CNBD1: variants seen among roughly 807,000 people sequenced by gnomAD.
CNBD1 encodes the protein cyclic nucleotide binding domain containing 1.
CNBD1 carries 71 observed loss-of-function variants against 54.4 expected under a neutral mutation model. That is an observed-to-expected ratio of 1.30 (90% CI 1.08 to 1.59). CNBD1 has a LOEUF of 1.59. CNBD1 is among the 40% of genes most tolerant of loss of function. The pLI, the probability that CNBD1 is intolerant of heterozygous loss-of-function variation, is 0.00. For synonymous variants in CNBD1, 182 were observed against 170.7 expected (o/e 1.07, Z -0.51); for missense variants, 659 against 518.0 (o/e 1.27, Z -2.64).
chr8:87,419,558 A>G (rs1203072633), intron 2 of CNBD1, among the ~76,000 whole-genome samples: 1 of 151,956 alleles, frequency 6.6e-6, no homozygotes, highest in Non-Finnish European at 1.5e-5. Flanking sequence ...ATTTCAAAAG[A>G]TATAGTCATT....
Position 86,961,235 on chromosome 8 carries a change from C to G in CNBD1, c.431+21481C>G, listed in dbSNP as rs74370484. On this transcript the variant is annotated intron_variant, in intron 4 of 10. Coordinates refer to ENST00000518476, the MANE Select transcript of CNBD1 (RefSeq NM_173538.3). The stretch of plus-strand genomic sequence containing the variant: ...TAGCACTACAAGCTTACCAGTTTTA[C>G]TTTGTTTGCCCCAATAGACAATCCA... 2.6e-5 allele frequency among the ~76,000 whole-genome samples: 4 copies of G among 152,106 alleles called. No homozygotes were observed. The East Asian group carries it at 7.7e-4, about 29-fold the overall frequency.
At chr8:86,886,392 A>G (rs1808681081) in intron 1 of CNBD1, among the ~76,000 whole-genome samples, 1 of 152,174 alleles carries the variant, frequency 6.6e-6, no homozygotes, top group Non-Finnish European at 1.5e-5. Context: ...GGGTAAGAAA[A>G]TGCCTAAATC....
intron 1 of CNBD1, among the ~76,000 whole-genome samples, chr8:86,871,985 G>T (rs113542656): frequency 6.6e-6 from 1 of 152,220 alleles, no homozygotes; most frequent in African/African-American, 2.4e-5. Flanking sequence ...AAAGTACTCA[G>T]CGTAGCTCAT....
intron 6 of CNBD1, among the ~76,000 whole-genome samples, chr8:87,271,247 T>A (rs994738556): frequency 2.0e-5 from 3 of 151,452 alleles, no homozygotes; most frequent in South Asian, 2.1e-4. Context: ...TTGTATATAT[T>A]TTTTTTCAGT....
chr8:86,887,715 C>A (rs940002110), intron 2 of CNBD1, 104 bp downstream of exon 2: 9 of 767,682 alleles, frequency 1.2e-5, no homozygotes, highest in Middle Eastern at 2.4e-4. Context: ...CTCAGAGGTA[C>A]CTGATTTATC....
intron 2 of CNBD1, among the ~76,000 whole-genome samples, chr8:87,408,733 G>C (rs530721394): frequency 1.3e-5 from 2 of 151,968 alleles, no homozygotes; most frequent in Non-Finnish European, 2.9e-5. Flanking sequence ...TTGTGTCTCC[G>C]TGTCACATGT....
chr8:86,940,226 G>A (rs964475939), intron 4 of CNBD1, among the ~76,000 whole-genome samples: 2 of 143,134 alleles, frequency 1.4e-5, no homozygotes, highest in East Asian at 2.1e-4. Flanking sequence ...TGCTTCAATG[G>A]CGCAATCTCA....
chr8:87,290,623 C>CT (rs1216282359), intron 8 of CNBD1, among the ~76,000 whole-genome samples: 3 of 152,022 alleles, frequency 2.0e-5, no homozygotes, highest in Non-Finnish European at 4.4e-5. Flanking sequence ...GCCTGAAGAA[C>CT]TTTTTTTAGT....
intron 10 of CNBD1, among the ~76,000 whole-genome samples, chr8:87,365,492 T>C (rs1426655904): frequency 6.6e-6 from 1 of 152,038 alleles, no homozygotes; most frequent in Admixed American, 6.6e-5. Context: ...TTGAATATCA[T>C]GTTTTCATTT....
intron 4 of CNBD1, among the ~76,000 whole-genome samples, chr8:87,113,542 G>A (rs960931230): frequency 3.3e-5 from 5 of 152,138 alleles, no homozygotes; most frequent in Non-Finnish European, 7.4e-5. Context: ...AGTAGAACTT[G>A]GCTATTTACC....
At chr8:87,214,906 T>C (rs1814176731) in intron 5 of CNBD1, among the ~76,000 whole-genome samples, 1 of 152,198 alleles carries the variant, frequency 6.6e-6, no homozygotes, top group South Asian at 2.1e-4. Context: ...TTGGGAATTA[T>C]GGGAGCTACA....
intron 2 of CNBD1, among the ~76,000 whole-genome samples, chr8:86,901,199 T>A (rs1808927583): frequency 1.3e-5 from 2 of 152,286 alleles, no homozygotes; most frequent in South Asian, 4.1e-4. Flanking sequence ...AATATGCATA[T>A]TGTATATATA....
intron 4 of CNBD1, among the ~76,000 whole-genome samples, chr8:87,081,652 C>T (rs964643659): frequency 8.6e-5 from 13 of 151,636 alleles, no homozygotes; most frequent in African/African-American, 2.2e-4. Context: ...ATAACAGGCG[C>T]GCCACCACAC....
At chr8:86,914,186 C>T (rs1360780385) in intron 3 of CNBD1, among the ~76,000 whole-genome samples, 2 of 152,168 alleles carry the variant, frequency 1.3e-5, no homozygotes, top group Non-Finnish European at 2.9e-5. Context: ...ATACATCCTC[C>T]TCAGTTTATG....
chr8:87,161,811 T>G (rs1485306952), intron 4 of CNBD1, among the ~76,000 whole-genome samples: 1 of 152,150 alleles, frequency 6.6e-6, no homozygotes, highest in Non-Finnish European at 1.5e-5. Flanking sequence ...TAATGTCATA[T>G]TGTTAAAACA....
chr8:86,947,885 A>ATCCCTAC (rs893295896), intron 4 of CNBD1, among the ~76,000 whole-genome samples: 9 of 152,034 alleles, frequency 5.9e-5, no homozygotes, highest in Non-Finnish European at 1.3e-4. Context: ...TCTTTTAGCC[A>ATCCCTAC]TCCCTACCTC....
At chr8:87,365,746 A>C (rs888943438) in intron 10 of CNBD1, among the ~76,000 whole-genome samples, 1 of 152,210 alleles carries the variant, frequency 6.6e-6, no homozygotes, top group South Asian at 2.1e-4. Context: ...TAAAATTAAC[A>C]TTAATATGGG....
At chr8:87,353,904 A>AATACTCCATCCTTTGC in intron 10 of CNBD1, 118 bp downstream of exon 10, 1 of 659,002 alleles carries the variant, frequency 1.5e-6, no homozygotes, top group Non-Finnish European at 2.5e-6. Context: ...TTCACCTGCA[A>AATACTCCATCCTTTGC]AGGATGGAGT....
chr8:87,183,525 T>C (rs1813408808), intron 4 of CNBD1, among the ~76,000 whole-genome samples: 1 of 152,054 alleles, frequency 6.6e-6, no homozygotes, highest in African/African-American at 2.4e-5. Context: ...GAATTCTATG[T>C]CTGTTGTTCC....
Sources: allele counts gnomAD v4.1 joint callset (sites outside exome capture counted in the v4.1 genomes callset), GRCh38; gene constraint gnomAD v4.1.1; transcripts MANE v1.5; gene names NCBI Gene and HGNC (gene_info 2026-07-23, HGNC 2026-07-21).